The following MBOAT7 variants were observed in gnomAD, a reference collection of about 807,000 sequenced individuals.
The protein encoded by MBOAT7 is membrane bound acylglycerophosphatidylinositol O-acyltransferase MBOAT7.
Under a neutral mutation model 47.4 loss-of-function variants are expected in MBOAT7, and 40 were observed. That is an observed-to-expected ratio of 0.84 (90% CI 0.66 to 1.10). The LOEUF is 1.10. Among genes scored for constraint, MBOAT7 ranks in the 50% least tolerant of loss-of-function variants. The pLI, the probability that MBOAT7 is intolerant of heterozygous loss-of-function variation, is 0.00. For missense variants in MBOAT7, 680 were observed against 655.6 expected (o/e 1.04, Z -0.41); for synonymous variants, 361 against 292.0 (o/e 1.24, Z -2.41).
At chr19:54,188,030 A>AAAG (rs2076489011) in intron 3 of MBOAT7, among the ~76,000 whole-genome samples, 187 bp downstream of exon 3, 1 of 79,030 alleles carries the variant, frequency 1.3e-5, no homozygotes, top group Non-Finnish European at 2.6e-5. Flanking sequence ...AGAAAGAAAG[A>AAAG]AAGAAAGAAA....
chr19:54,176,505 C>T (rs569087244), intron 7 of MBOAT7, among the ~76,000 whole-genome samples: 150 of 152,162 alleles, frequency 9.9e-4, no homozygotes, highest in African/African-American at 3.5e-3. Flanking sequence ...TTGCAGTGAG[C>T]CGAGATCACG....
At chr19:54,178,470 T>C (rs1263674850) in intron 7 of MBOAT7, 3 of 1,330,814 alleles carry the variant, frequency 2.3e-6, no homozygotes, top group Non-Finnish European at 2.9e-6. Flanking sequence ...CTCCATAACC[T>C]GGACGGCCAA....
intron 3 of MBOAT7, 56 bp from the exon 4 acceptor site, chr19:54,187,343 C>G (rs1865961): frequency 6.6e-7 from 1 of 1,520,020 alleles, no homozygotes; most frequent in East Asian, 2.4e-5. Flanking sequence ...GCCTTGGCCA[C>G]TCACTCCACG....
At chr19:54,175,142 AT>A (rs1351404315) in intron 7 of MBOAT7, among the ~76,000 whole-genome samples, 1 of 151,740 alleles carries the variant, frequency 6.6e-6, no homozygotes, top group Non-Finnish European at 1.5e-5. Flanking sequence ...CGCCCGGCTA[AT>A]TTTCTTTTCT....
In MBOAT7 at chr19:54,174,003, G is replaced by A; in HGVS notation, c.*41C>T. On this transcript the variant is annotated 3_prime_UTR_variant, in exon 8 of 8. Coordinates refer to ENST00000245615, the MANE Select transcript of MBOAT7 (RefSeq NM_024298.5). ...GGAGGAGACAGCAGCCTGGTTCACA[G>A]AATTCCCGGGACCAGCTGGCAGAGG... 6.5e-7 allele frequency: 1 copy of A among 1,532,326 alleles called. No individual in the cohort carries two copies. Among genetic ancestry groups the A allele is most frequent in the Non-Finnish European group, 8.7e-7 (1 of 1,144,166 alleles). 94.9% of individuals were successfully genotyped at this position (1,532,326 alleles called of 1,614,324 possible). A position where few individuals can be genotyped will look rare whatever the true frequency, so the allele number is the denominator to read the frequency against.
At chr19:54,184,205 C>G (rs543604968) in intron 4 of MBOAT7, among the ~76,000 whole-genome samples, 193 of 148,648 alleles carry the variant, frequency 1.3e-3, no homozygotes, top group African/African-American at 4.7e-3. Context: ...GCTCTGTCAC[C>G]AGGCTGGAGT....
At chr19:54,176,045 T>C (rs111256210) in intron 7 of MBOAT7, among the ~76,000 whole-genome samples, 9,960 of 152,020 alleles carry the variant, frequency 0.066, 424 homozygotes, top group East Asian at 0.11. Flanking sequence ...TTAGTAGAGA[T>C]GGGGTTTCAC....
chr19:54,175,031 A>G (rs1175344067), intron 7 of MBOAT7, among the ~76,000 whole-genome samples: 7 of 142,862 alleles, frequency 4.9e-5, no homozygotes, highest in South Asian at 2.3e-4. Context: ...GCTAGAGTGC[A>G]GTGGCGCGAT....
At chr19:54,174,729 C>G (rs1241249963) in intron 7 of MBOAT7, among the ~76,000 whole-genome samples, 1 of 149,514 alleles carries the variant, frequency 6.7e-6, no homozygotes, top group East Asian at 2.3e-4. Flanking sequence ...AGACCAGACC[C>G]CACCTCCCTC....
intron 3 of MBOAT7, among the ~76,000 whole-genome samples, chr19:54,187,634 C>T (rs571141816): frequency 6.6e-6 from 1 of 152,206 alleles, no homozygotes; most frequent in Admixed American, 6.5e-5. Context: ...GCCAGGCCAG[C>T]AGACACACTG....
Position 54,174,277 on chromosome 19 carries a change from C to T in MBOAT7, c.1186G>A (p.Asp396Asn). Residue 396 changes from aspartate to asparagine, a missense_variant, in exon 8 of 8, where the codon GAC (aspartate) becomes AAC (asparagine). Coordinates refer to ENST00000245615, the MANE Select transcript of MBOAT7 (RefSeq NM_024298.5). The stretch of plus-strand genomic sequence containing the variant: ...ATCTTCAGGAACCAGTGCACCCAGT[C>T]CCAGGCCTTCTGGCCCCCTGGGCTC... ...RLSPGGQKAW[D>N]WVHWFLKMRA... 1 of 1,612,700 alleles carries T rather than the reference C, an allele frequency of 6.2e-7. No individual in the cohort carries two copies. Among genetic ancestry groups the T allele is most frequent in the South Asian group, 1.1e-5 (1 of 90,926 alleles).
intron 6 of MBOAT7, 120 bp from the exon 7 acceptor site, chr19:54,179,061 T>C (rs2076197002): frequency 2.2e-6 from 3 of 1,373,740 alleles, no homozygotes; most frequent in Non-Finnish European, 2.9e-6. Context: ...GCAATGGCCC[T>C]CTGGCTGTCA....
Position 54,180,927 on chromosome 19 carries a change from TG to T in MBOAT7, c.699del (p.Tyr233Ter). 3 of 1,597,286 alleles carry T rather than the reference TG, an allele frequency of 1.9e-6. No homozygotes were observed. Among genetic ancestry groups the T allele is most frequent in the Non-Finnish European group, 2.6e-6 (3 of 1,173,802 alleles). ...CGGAAGGCGAAGAAGACGGGGATCA[TG>T]TAGAAGAGGCGGGCGGGCAGCGGGC... ...YARPLPARLF[Y>X]MIPVFFAFRM... On this transcript the variant is annotated frameshift_variant, in exon 6 of 8. Transcript: ENST00000245615. LOFTEE classifies it high-confidence loss of function. This position sits in a 1 kb window ranked among gnomAD's most constrained non-coding sequence, Gnocchi z 5.2.
At position 54,178,522 on chromosome 19, in the gene MBOAT7, C is replaced by T. The variant is rs1011134940; in HGVS notation, c.1031+243G>A. The T allele has an allele frequency of 1.5e-5, 21 of 1,417,880 alleles. No individual in the cohort carries two copies. The African/African-American group carries it at 2.9e-4, about 19-fold the overall frequency. The allele number at this position is 1,417,880 out of a possible 1,614,324, so 87.8% of individuals were successfully genotyped here. A position where few individuals can be genotyped will look rare whatever the true frequency, so the allele number is the denominator to read the frequency against. On this transcript the variant is annotated intron_variant, in intron 7 of 7. Coordinates refer to ENST00000245615, the MANE Select transcript of MBOAT7 (RefSeq NM_024298.5). ...GCTATTGAGTCCACAGGACTCAGTA[C>T]ATTGCTTCTGCTGAGTGAGGCTGAC... is the stretch of plus-strand genomic sequence containing the variant.
In MBOAT7 at chr19:54,174,296, TGG is replaced by T; in HGVS notation, c.1165_1166del (p.Pro389ArgfsTer19). ...CCCAGTCCCAGGCCTTCTGGCCCCC[TGG>T]GCTCAGCCGCCCCCGCAGGGCTGAC... ...LESALRGRLS[P>X]GGQKAWDWVH... On this transcript the variant is annotated frameshift_variant, in exon 8 of 8. Transcript: ENST00000245615. LOFTEE classifies it high-confidence loss of function. The T allele has an allele frequency of 1.2e-6, 2 of 1,613,064 alleles. No individual in the cohort carries two copies. The highest frequency in any genetic ancestry group is 1.7e-6 in the Non-Finnish European group (2 of 1,179,450).
At chr19:54,188,037 G>C (rs954249007) in intron 3 of MBOAT7, among the ~76,000 whole-genome samples, 180 bp downstream of exon 3, 2 of 48,904 alleles carry the variant, frequency 4.1e-5, no homozygotes, top group East Asian at 1.1e-3. Flanking sequence ...AAGAAAGAAA[G>C]AAAGAAAGAA....
chr19:54,188,123 G>A (rs188448883), intron 3 of MBOAT7, 94 bp downstream of exon 3: 1 of 1,255,422 alleles, frequency 8.0e-7, no homozygotes, highest in Non-Finnish European at 1.1e-6. Flanking sequence ...GAGACAGCTA[G>A]ACATGAGGCA....
At chr19:54,187,753 C>G (rs1274946758) in intron 3 of MBOAT7, among the ~76,000 whole-genome samples, 1 of 152,166 alleles carries the variant, frequency 6.6e-6, no homozygotes, top group Non-Finnish European at 1.5e-5. Flanking sequence ...TGCGGTGGCT[C>G]ACGCCTGTAA....
In MBOAT7 at chr19:54,173,758, C is replaced by T. The variant is rs2075981636; in HGVS notation, c.*286G>A. On this transcript the variant is annotated 3_prime_UTR_variant, in exon 8 of 8. Transcript: ENST00000245615. Reference sequence around the variant, plus strand: ...AAAACCCACTGCCCAGGGGCCCCTTCCGTTTTGGGGAAGTGCAGTGCTCTC... The same window carrying T: ...AAAACCCACTGCCCAGGGGCCCCTTTCGTTTTGGGGAAGTGCAGTGCTCTC... 2.5e-6 allele frequency: 1 copy of T among 392,376 alleles called. No individual in the cohort carries two copies. Among genetic ancestry groups the T allele is most frequent in the Admixed American group, 4.2e-5 (1 of 24,004 alleles). 24.3% of individuals were successfully genotyped at this position (392,376 alleles called of 1,614,324 possible). A position where few individuals can be genotyped will look rare whatever the true frequency, so the allele number is the denominator to read the frequency against.
Sources: allele counts gnomAD v4.1 joint callset (sites outside exome capture counted in the v4.1 genomes callset), GRCh38; gene constraint gnomAD v4.1.1; non-coding constraint Gnocchi (gnomAD v3.1); transcripts MANE v1.5; gene names NCBI Gene and HGNC (gene_info 2026-07-23, HGNC 2026-07-21).